CCDC85A: variants seen among roughly 807,000 people sequenced by gnomAD.
CCDC85A encodes coiled-coil domain containing 85A.
Under a neutral mutation model 50.2 loss-of-function variants are expected in CCDC85A, and 38 were observed. The observed-to-expected ratio is 0.76, with a 90% CI of 0.58 to 0.99. CCDC85A has a LOEUF of 0.99. CCDC85A is among the 50% of genes least tolerant of loss of function. CCDC85A has a pLI of 0.00. For missense variants in CCDC85A, 820 were observed against 742.0 expected, an observed-to-expected ratio of 1.11 and a Z score of -1.22; for synonymous variants, 366 against 301.4, an observed-to-expected ratio of 1.21 and a Z score of -2.22.
intron 3 of CCDC85A, among the ~76,000 whole-genome samples, chr2:56,352,166 T>C (rs773764033): frequency 1.9e-4 from 29 of 152,192 alleles, no homozygotes; most frequent in Non-Finnish European, 3.7e-4. Flanking sequence ...AACGCATTAG[T>C]AATTTAAGTT....
chr2:56,332,234 C>T (rs987172335), intron 2 of CCDC85A, among the ~76,000 whole-genome samples: 8 of 152,156 alleles, frequency 5.3e-5, no homozygotes, highest in Non-Finnish European at 1.0e-4. Context: ...TAGACCCCCC[C>T]ACACCTAATT....
chr2:56,228,356 T>C (rs1288110228), intron 2 of CCDC85A, among the ~76,000 whole-genome samples: 4 of 150,844 alleles, frequency 2.7e-5, no homozygotes, highest in African/African-American at 9.8e-5. Flanking sequence ...AAATTGAGGA[T>C]AATAATAGTA....
intron 2 of CCDC85A, among the ~76,000 whole-genome samples, chr2:56,232,167 A>G (rs1573065791): frequency 6.6e-6 from 1 of 152,114 alleles, no homozygotes; most frequent in African/African-American, 2.4e-5. Context: ...TATAGCCATG[A>G]CTTTTGCATA....
chr2:56,358,905 C>T (rs528856321), intron 3 of CCDC85A, among the ~76,000 whole-genome samples: 16 of 152,024 alleles, frequency 1.1e-4, no homozygotes, highest in African/African-American at 3.1e-4. Context: ...CTGCCTCAGC[C>T]TCCCATGTAG....
rs1230473752 is a variant in CCDC85A, at chr2:56,375,889, A to G, written c.1526A>G (p.His509Arg). ...AACTCTGCAGCTAGCTTCAGTGGAC[A>G]TGCCACACCTTCCCAGCAGCCTGAA... Reference protein sequence around the residue: ...SPNSAASFSGHATPSQQPEPV... With the variant: ...SPNSAASFSGRATPSQQPEPV... The change falls in exon 5 of 6, where the codon CAT becomes CGT. Residue 509 changes from histidine (H) to arginine (R), a missense_variant. Physicochemically the swap from His to Arg is conservative, Grantham distance 29. Transcript: ENST00000407595. The G allele has an allele frequency of 1.9e-6, 3 of 1,613,718 alleles. No individual in the cohort carries two copies. The highest frequency in any genetic ancestry group is 1.3e-5 in the African/African-American group (1 of 74,922).
In CCDC85A at chr2:56,237,487, A is replaced by G. The variant is rs1669070953; in HGVS notation, c.1240+44047A>G. 2.0e-5 allele frequency among the ~76,000 whole-genome samples: 3 copies of G among 152,348 alleles called. No homozygotes were observed. In the South Asian group the frequency reaches 6.2e-4, roughly 32 times the overall value. On this transcript the variant is annotated intron_variant, in intron 2 of 5. Coordinates refer to ENST00000407595, the MANE Select transcript of CCDC85A (RefSeq NM_001080433.2). ...TTGTTAACAATCTTGCTAAGTAATA[A>G]CAATAATCGCCAGTGTATGGCAAGC... is the stretch of plus-strand genomic sequence containing the variant.
intron 2 of CCDC85A, among the ~76,000 whole-genome samples, chr2:56,284,806 CA>C (rs769703742): frequency 1.3e-5 from 2 of 152,148 alleles, no homozygotes; most frequent in Non-Finnish European, 2.9e-5. Flanking sequence ...TAAGTATTTA[CA>C]ACTTATCTTC....
intron 2 of CCDC85A, among the ~76,000 whole-genome samples, chr2:56,305,091 A>T (rs994717408): frequency 5.4e-5 from 8 of 147,970 alleles, no homozygotes; most frequent in African/African-American, 2.1e-4. Context: ...CGACAGAGCA[A>T]GACTCTGCCT....
chr2:56,368,326 T>C (rs1200514473), intron 3 of CCDC85A, among the ~76,000 whole-genome samples: 1 of 152,154 alleles, frequency 6.6e-6, no homozygotes, highest in Non-Finnish European at 1.5e-5. Flanking sequence ...CAAGAATCTC[T>C]TGGAGAGGGT....
chr2:56,262,341 C>T (rs1670254992), intron 2 of CCDC85A, among the ~76,000 whole-genome samples: 1 of 152,104 alleles, frequency 6.6e-6, no homozygotes, highest in Non-Finnish European at 1.5e-5. Context: ...TTACTGCAAA[C>T]AGAATAATAA....
intron 2 of CCDC85A, among the ~76,000 whole-genome samples, chr2:56,222,144 A>T (rs1668353440): frequency 6.6e-6 from 1 of 152,090 alleles, no homozygotes; most frequent in African/African-American, 2.4e-5. Context: ...ACTATGGGGG[A>T]CATATTCTAA....
intron 3 of CCDC85A, among the ~76,000 whole-genome samples, chr2:56,345,994 T>C (rs1208436570): frequency 6.6e-6 from 1 of 152,174 alleles, no homozygotes; most frequent in Non-Finnish European, 1.5e-5. Flanking sequence ...CCATTTGTCT[T>C]TGAATAAACA....
chr2:56,322,124 C>A (rs1330680315), intron 2 of CCDC85A, among the ~76,000 whole-genome samples: 1 of 152,136 alleles, frequency 6.6e-6, no homozygotes, highest in African/African-American at 2.4e-5. Flanking sequence ...CTTCCTTACA[C>A]CTTATACAAA....
intron 2 of CCDC85A, among the ~76,000 whole-genome samples, chr2:56,303,829 C>T (rs1018822399): frequency 6.6e-6 from 1 of 151,962 alleles, no homozygotes; most frequent in Non-Finnish European, 1.5e-5. Context: ...GTTCTGGCAT[C>T]GTTAATGGAC....
chr2:56,308,213 A>C (rs1672530577), intron 2 of CCDC85A, among the ~76,000 whole-genome samples: 1 of 152,170 alleles, frequency 6.6e-6, no homozygotes, highest in Admixed American at 6.6e-5. Flanking sequence ...TTTCATATTT[A>C]TCAAAATATT....
At chr2:56,323,331 A>G (rs1673306587) in intron 2 of CCDC85A, among the ~76,000 whole-genome samples, 1 of 152,082 alleles carries the variant, frequency 6.6e-6, no homozygotes. Flanking sequence ...GAGATATTGA[A>G]TAGCAAGACA....
intron 3 of CCDC85A, among the ~76,000 whole-genome samples, chr2:56,363,475 A>G (rs1675637525): frequency 6.6e-6 from 1 of 152,194 alleles, no homozygotes; most frequent in Admixed American, 6.5e-5. Flanking sequence ...TATCCTAGAT[A>G]GGTAGCTGTA....
intron 2 of CCDC85A, among the ~76,000 whole-genome samples, chr2:56,213,066 A>G (rs766957434): frequency 3.3e-5 from 5 of 152,042 alleles, no homozygotes; most frequent in Non-Finnish European, 7.4e-5. Context: ...AATAAAGCTC[A>G]TATGCAAGGT....
At chr2:56,344,096 C>G (rs528394235) in intron 3 of CCDC85A, among the ~76,000 whole-genome samples, 2 of 152,110 alleles carry the variant, frequency 1.3e-5, no homozygotes, top group Non-Finnish European at 2.9e-5. Context: ...AAGGGGAATA[C>G]ATTCCAAGAC....
Sources: gnomAD v4.1 joint callset for allele counts (sites outside exome capture counted in the v4.1 genomes callset) on GRCh38, gnomAD v4.1.1 for gene constraint, MANE v1.5 for transcripts, NCBI Gene and HGNC (gene_info 2026-07-23, HGNC 2026-07-21) for gene names.